The following NXPE2 variants were observed in gnomAD, a reference collection of about 807,000 sequenced individuals.
NXPE2 encodes the protein neurexophilin and PC-esterase domain family member 2.
Under a neutral mutation model 34.4 loss-of-function variants are expected in NXPE2, and 34 were observed. That is an observed-to-expected ratio of 0.99 (90% CI 0.75 to 1.31). NXPE2 has a LOEUF of 1.31. Ranked by LOEUF, NXPE2 falls within the 40% of genes most tolerant of loss-of-function variation. The probability of loss-of-function intolerance (pLI) is 0.00; values close to 1 mark genes in which losing one functional copy is unlikely to be tolerated. For synonymous variants in NXPE2, 235 were observed against 231.3 expected (o/e 1.02, Z -0.15); for missense variants, 649 against 672.5 (o/e 0.97, Z 0.39).
chr11:114,639,810 T>TAATATAAAATATAATATATCTTATATTA, the NXPE2 span, among the ~76,000 whole-genome samples: 2 of 77,950 alleles, frequency 2.6e-5, 1 homozygote, highest in Non-Finnish European at 4.8e-5. Flanking sequence ...AAATATAAAA[T>TAATATAAAATATAATATATCTTATATTA]AATATAAAAT....
At chr11:114,571,105 A>T in the NXPE2 span, 1 of 1,614,010 alleles carries the variant, frequency 6.2e-7, no homozygotes, top group Non-Finnish European at 8.5e-7. Context: ...TAACCATGAA[A>T]GTCACTAAAT....
At chr11:114,731,229 A>G in the NXPE2 span, among the ~76,000 whole-genome samples, 1 of 152,186 alleles carries the variant, frequency 6.6e-6, no homozygotes, top group Admixed American at 6.6e-5. Flanking sequence ...AATAATACAA[A>G]TGCTGGTGAG....
chr11:114,491,378 A>T, the NXPE2 span, among the ~76,000 whole-genome samples: 1 of 152,126 alleles, frequency 6.6e-6, no homozygotes, highest in Non-Finnish European at 1.5e-5. Context: ...TCAAATGAAG[A>T]CATTTATGCA....
the NXPE2 span, among the ~76,000 whole-genome samples, chr11:114,744,054 T>A: frequency 6.6e-6 from 1 of 151,846 alleles, no homozygotes; most frequent in Non-Finnish European, 1.5e-5. Flanking sequence ...GGTCCTTTGT[T>A]AACCCAGCTC....
the NXPE2 span, among the ~76,000 whole-genome samples, chr11:114,642,349 G>C: frequency 6.6e-6 from 1 of 151,938 alleles, no homozygotes; most frequent in African/African-American, 2.4e-5. Context: ...AGATATACAC[G>C]TACCATGGTG....
At chr11:114,656,847 C>T in the NXPE2 span, among the ~76,000 whole-genome samples, 2 of 152,216 alleles carry the variant, frequency 1.3e-5, no homozygotes, top group East Asian at 3.9e-4. Flanking sequence ...AATCCCAGCA[C>T]TTTGGGAGGC....
chr11:114,698,519 C>A lies in NXPE2; in HGVS notation c.607C>A (p.Leu203Ile). ...CCACCCCAGTGAAGGGGTATCAGCT[C>A]TCTGGAGGGCAAGGAACCAAGGATG... ...LIHPSEGVSA[L>I]WRARNQGCDR... The change falls in exon 3 of 6, where the codon CTC (leucine) becomes ATC (isoleucine). Residue 203 changes from leucine (L) to isoleucine (I), a missense_variant. Leu to Ile is a conservative substitution (Grantham distance 5). Transcript: ENST00000389586. 6.2e-7 allele frequency: 1 copy of A among 1,614,130 alleles called. No individual in the cohort carries two copies. Among genetic ancestry groups the A allele is most frequent in the South Asian group, 1.1e-5 (1 of 91,074 alleles).
the NXPE2 span, among the ~76,000 whole-genome samples, chr11:114,466,993 A>G: frequency 6.6e-6 from 1 of 152,224 alleles, no homozygotes; most frequent in Non-Finnish European, 1.5e-5. Context: ...CTTCCAGACA[A>G]CAGATAGCTG....
chr11:114,537,433 A>C, the NXPE2 span, among the ~76,000 whole-genome samples: 8 of 152,148 alleles, frequency 5.3e-5, no homozygotes, highest in Non-Finnish European at 1.2e-4. Flanking sequence ...CTGGCCAAGA[A>C]AATGAGGCAG....
chr11:114,513,374 G>A, the NXPE2 span: 3 of 397,094 alleles, frequency 7.6e-6, no homozygotes, highest in Admixed American at 3.0e-5. Context: ...TGAAACTTCT[G>A]GACACAGTGG....
chr11:114,630,191 C>G, the NXPE2 span, among the ~76,000 whole-genome samples: 2 of 151,684 alleles, frequency 1.3e-5, no homozygotes, highest in African/African-American at 4.9e-5. Context: ...TCATATGGAA[C>G]CAAAAAAGAG....
At chr11:114,532,018 G>T in the NXPE2 span, among the ~76,000 whole-genome samples, 1 of 152,092 alleles carries the variant, frequency 6.6e-6, no homozygotes, top group African/African-American at 2.4e-5. Context: ...AGCCTCAAAA[G>T]CAATCTTAGG....
chr11:114,579,222 C>T, the NXPE2 span, among the ~76,000 whole-genome samples: 3 of 152,088 alleles, frequency 2.0e-5, no homozygotes, highest in African/African-American at 7.2e-5. Context: ...AACCAGTTCT[C>T]ACATGAACTG....
At chr11:114,760,437 G>A in the NXPE2 span, among the ~76,000 whole-genome samples, 2 of 152,094 alleles carry the variant, frequency 1.3e-5, no homozygotes, top group African/African-American at 4.8e-5. Flanking sequence ...CCACCTGAAT[G>A]GATTAAAACT....
the NXPE2 span, among the ~76,000 whole-genome samples, chr11:114,470,300 A>G: frequency 2.0e-5 from 3 of 152,128 alleles, no homozygotes; most frequent in East Asian, 5.8e-4. Flanking sequence ...GTTCCATTTT[A>G]TATTCTCACC....
chr11:114,600,746 T>C, the NXPE2 span, among the ~76,000 whole-genome samples: 1 of 152,088 alleles, frequency 6.6e-6, no homozygotes, highest in East Asian at 1.9e-4. Flanking sequence ...TGATAGTTAC[T>C]AGTGTACCAA....
the NXPE2 span, among the ~76,000 whole-genome samples, chr11:114,487,250 T>A: frequency 1.3e-5 from 2 of 152,174 alleles, no homozygotes. Context: ...ATTTTATTTA[T>A]AACTATTGTA....
chr11:114,626,815 A>G, the NXPE2 span, among the ~76,000 whole-genome samples: 3 of 152,202 alleles, frequency 2.0e-5, no homozygotes, highest in African/African-American at 7.2e-5. Context: ...AATACACAGA[A>G]GTGCTTAAAG....
At chr11:114,813,597 C>T in the NXPE2 span, among the ~76,000 whole-genome samples, 1 of 152,238 alleles carries the variant, frequency 6.6e-6, no homozygotes, top group Non-Finnish European at 1.5e-5. Context: ...TCAGGTGCAC[C>T]TTGCACAGTC....
Sources: allele counts gnomAD v4.1 joint callset (sites outside exome capture counted in the v4.1 genomes callset), GRCh38; gene constraint gnomAD v4.1.1; transcripts MANE v1.5; gene names NCBI Gene and HGNC (gene_info 2026-07-23, HGNC 2026-07-21).